Variants in TNR observed in about 807,000 individuals in gnomAD.
TNR encodes the protein tenascin R.
A neutral mutation model predicts 150.4 loss-of-function variants in TNR; 45 were observed. That is an observed-to-expected ratio of 0.30 (90% CI 0.24 to 0.38). TNR has a LOEUF of 0.38. TNR is among the 10% of genes least tolerant of loss of function. The probability of loss-of-function intolerance (pLI) is 1.00; values close to 1 mark genes in which losing one functional copy is unlikely to be tolerated. For synonymous variants in TNR, 687 were observed against 678.4 expected (o/e 1.01, Z -0.20); for missense variants, 1,544 against 1,759.1 (o/e 0.88, Z 2.19).
At chr1:175,439,360 A>C in intron 2 of TNR, among the ~76,000 whole-genome samples, 1 of 152,100 alleles carries the variant, frequency 6.6e-6, no homozygotes, top group Non-Finnish European at 1.5e-5. Context: ...CTTACACCTT[A>C]TACAAAAATT....
intron 1 of TNR, among the ~76,000 whole-genome samples, chr1:175,710,993 T>A (rs921479535): frequency 6.6e-6 from 1 of 152,116 alleles, no homozygotes; most frequent in Non-Finnish European, 1.5e-5. Flanking sequence ...CTCCTCCACT[T>A]CTACACCTCT....
chr1:175,734,727 C>T (rs779320104), intron 1 of TNR, among the ~76,000 whole-genome samples: 38 of 152,190 alleles, frequency 2.5e-4, no homozygotes, highest in Non-Finnish European at 7.3e-5. Context: ...TTTTTTCTTC[C>T]TGTTTTTAAA....
chr1:175,416,831 A>G (rs1035233879), intron 2 of TNR, among the ~76,000 whole-genome samples: 61 of 152,002 alleles, frequency 4.0e-4, no homozygotes, highest in African/African-American at 1.4e-3. Context: ...ACACCGGGAA[A>G]CCCCGTCTCT....
At chr1:175,379,872 G>A (rs1406332011) in intron 8 of TNR, 135 bp from the exon 9 acceptor site, 5 of 1,002,282 alleles carry the variant, frequency 5.0e-6, no homozygotes, top group South Asian at 1.7e-5. Context: ...AATGAACACT[G>A]TGGCTACCCT....
intron 1 of TNR, among the ~76,000 whole-genome samples, chr1:175,679,754 A>G (rs190578501): frequency 1.0e-3 from 155 of 152,352 alleles, no homozygotes; most frequent in Admixed American, 1.7e-3. Context: ...TATTAAAGCA[A>G]CGTTCCAGAA....
intron 1 of TNR, among the ~76,000 whole-genome samples, chr1:175,742,533 A>G (rs539909056): frequency 1.3e-5 from 2 of 152,250 alleles, no homozygotes; most frequent in South Asian, 4.1e-4. Flanking sequence ...AGCTCAAGAC[A>G]CTAGCACTTT....
intron 2 of TNR, among the ~76,000 whole-genome samples, chr1:175,423,918 G>T (rs1209107847): frequency 6.6e-6 from 1 of 152,186 alleles, no homozygotes; most frequent in African/African-American, 2.4e-5. Context: ...CTGGATGTGA[G>T]TGTGCCAGCC....
intron 1 of TNR, among the ~76,000 whole-genome samples, chr1:175,576,798 A>G (rs953238735): frequency 6.6e-5 from 10 of 152,172 alleles, no homozygotes; most frequent in Non-Finnish European, 1.5e-4. Context: ...CTCTTCCATG[A>G]AGCCTTCTTA....
intron 1 of TNR, among the ~76,000 whole-genome samples, chr1:175,673,369 C>A (rs1043027899): frequency 2.0e-5 from 3 of 152,164 alleles, no homozygotes; most frequent in African/African-American, 7.2e-5. Flanking sequence ...AGACAGGGAT[C>A]CTGCCCTTCA....
chr1:175,395,570 T>C (rs886265710), intron 5 of TNR, among the ~76,000 whole-genome samples: 2 of 150,520 alleles, frequency 1.3e-5, no homozygotes, highest in African/African-American at 4.9e-5. Context: ...TTTTTCATGA[T>C]CTCTCCAAAG....
At position 175,443,650 on chromosome 1, in the gene TNR, T is replaced by C. The variant is rs540510396; in HGVS notation, c.-63-36873A>G. ...TTTCTATAGGTGATCACTACATTTCTCTGCCAGAACCAAAGAGACTTGTTT... is the reference window on the plus strand; with the variant it reads ...TTTCTATAGGTGATCACTACATTTCCCTGCCAGAACCAAAGAGACTTGTTT... On this transcript the variant is annotated intron_variant, in intron 2 of 22. Transcript: ENST00000367674. Among the ~76,000 whole-genome samples the C allele has an allele frequency of 2.0e-5, 3 of 152,262 alleles. No homozygotes were observed. In the South Asian group the frequency reaches 6.2e-4, roughly 32 times the overall value.
chr1:175,542,938 G>A (rs574305275), intron 1 of TNR, among the ~76,000 whole-genome samples: 3 of 152,292 alleles, frequency 2.0e-5, no homozygotes, highest in African/African-American at 4.8e-5. Context: ...TGTAGCTACT[G>A]TTTGGAACTG....
At chr1:175,640,768 T>C (rs1454729677) in intron 1 of TNR, among the ~76,000 whole-genome samples, 1 of 149,472 alleles carries the variant, frequency 6.7e-6, no homozygotes, top group Non-Finnish European at 1.5e-5. Context: ...TACAACTAAA[T>C]ATATATATGT....
intron 2 of TNR, among the ~76,000 whole-genome samples, chr1:175,440,161 G>A (rs1417827530): frequency 1.3e-5 from 2 of 152,126 alleles, no homozygotes; most frequent in Non-Finnish European, 2.9e-5. Flanking sequence ...TTAAGAAAAT[G>A]TGGCACATAT....
chr1:175,499,242 T>C (rs1187058461), intron 2 of TNR, among the ~76,000 whole-genome samples: 1 of 152,174 alleles, frequency 6.6e-6, no homozygotes, highest in Non-Finnish European at 1.5e-5. Flanking sequence ...TCTTCTCCAA[T>C]TAAAAATTAC....
intron 2 of TNR, among the ~76,000 whole-genome samples, chr1:175,491,599 G>A (rs1186686728): frequency 3.4e-5 from 5 of 149,216 alleles, no homozygotes; most frequent in Non-Finnish European, 7.4e-5. Flanking sequence ...TTCTACCATA[G>A]CACAAGCATC....
intron 1 of TNR, among the ~76,000 whole-genome samples, chr1:175,615,849 A>G (rs144699787): frequency 9.0e-4 from 137 of 152,322 alleles, no homozygotes; most frequent in African/African-American, 3.2e-3. Flanking sequence ...ACATCCACAT[A>G]TATTTAGGTT....
intron 1 of TNR, among the ~76,000 whole-genome samples, chr1:175,628,921 T>C (rs1351425252): frequency 6.6e-6 from 1 of 152,220 alleles, no homozygotes; most frequent in East Asian, 1.9e-4. Context: ...TGGGACTCTG[T>C]AGAAAACAAA....
At chr1:175,742,362 T>A (rs188250066) in intron 1 of TNR, among the ~76,000 whole-genome samples, 1 of 152,156 alleles carries the variant, frequency 6.6e-6, no homozygotes, top group African/African-American at 2.4e-5. Context: ...GAGACAAACC[T>A]TTATTCTTAG....
Sources: gnomAD v4.1 joint callset for allele counts (sites outside exome capture counted in the v4.1 genomes callset) on GRCh38, gnomAD v4.1.1 for gene constraint, MANE v1.5 for transcripts, NCBI Gene and HGNC (gene_info 2026-07-23, HGNC 2026-07-21) for gene names.